Variants in EXOC6 observed in about 807,000 individuals in gnomAD.
EXOC6 encodes the protein SEC15-like 1.
Under a neutral mutation model 112.5 loss-of-function variants are expected in EXOC6, and 60 were observed. The ratio of observed to expected loss-of-function variants is 0.53; its 90% CI spans 0.43 to 0.66. The LOEUF (loss-of-function observed/expected upper bound fraction) is 0.66. Ranked by LOEUF, EXOC6 falls within the 30% of genes least tolerant of loss-of-function variation. The pLI, the probability that EXOC6 is intolerant of heterozygous loss-of-function variation, is 0.00. For missense variants in EXOC6, 855 were observed against 957.1 expected (o/e 0.89, Z 1.41); for synonymous variants, 295 against 308.0 (o/e 0.96, Z 0.44).
At chr10:92,892,971 A>T (rs1225237842) in intron 1 of EXOC6, among the ~76,000 whole-genome samples, 1 of 152,222 alleles carries the variant, frequency 6.6e-6, no homozygotes, top group South Asian at 2.1e-4. Flanking sequence ...AAGCATTTAG[A>T]ACATGAGCGT....
chr10:92,857,944 A>T (rs1044574947), intron 1 of EXOC6, among the ~76,000 whole-genome samples: 1 of 149,192 alleles, frequency 6.7e-6, no homozygotes, highest in African/African-American at 2.5e-5. Context: ...CTGTTTTTTT[A>T]AAATCTGGGC....
chr10:92,999,893 G>A (rs546323277), intron 19 of EXOC6, among the ~76,000 whole-genome samples: 11 of 151,926 alleles, frequency 7.2e-5, no homozygotes, highest in Admixed American at 3.3e-4. Flanking sequence ...TAATAGAGAC[G>A]GGGTTTCAAC....
At chr10:92,865,667 G>A (rs549000489) in intron 1 of EXOC6, among the ~76,000 whole-genome samples, 1 of 151,858 alleles carries the variant, frequency 6.6e-6, no homozygotes, top group South Asian at 2.1e-4. Flanking sequence ...GGCTGGTCTC[G>A]AACTTCTGGC....
At chr10:93,012,320 A>G (rs1228235395) in intron 19 of EXOC6, among the ~76,000 whole-genome samples, 1 of 152,214 alleles carries the variant, frequency 6.6e-6, no homozygotes, top group Non-Finnish European at 1.5e-5. Context: ...GAAGGCAGAA[A>G]AATTAGAAAA....
rs371519274 is a variant in EXOC6 at position 92,942,758 on chromosome 10, C to T, written c.1310+1934C>T. Among the ~76,000 whole-genome samples, 7 of 151,922 alleles carry T rather than the reference C, an allele frequency of 4.6e-5. No individual in the cohort carries two copies. The East Asian group carries it at 5.8e-4, about 13-fold the overall frequency. On this transcript the variant is annotated intron_variant, in intron 13 of 21. Coordinates refer to ENST00000260762, the MANE Select transcript of EXOC6 (RefSeq NM_019053.6). ...AGGGTGTTTATGTTTTCATAACTGT[C>T]GATAGATTGTATTGGGCCAGCTATT...
intron 12 of EXOC6, among the ~76,000 whole-genome samples, chr10:92,939,584 A>C (rs999252494): frequency 6.6e-6 from 1 of 152,058 alleles, no homozygotes; most frequent in African/African-American, 2.4e-5. Context: ...ATGACTGGAG[A>C]TGAAACACGT....
chr10:92,838,421 T>G (rs752845704), intron 1 of EXOC6, among the ~76,000 whole-genome samples: 8 of 152,178 alleles, frequency 5.3e-5, no homozygotes, highest in Admixed American at 6.5e-5. Flanking sequence ...TTTGGCCCTC[T>G]TTTTGAAAGA....
intron 1 of EXOC6, among the ~76,000 whole-genome samples, chr10:92,842,069 A>AT (rs550802861): frequency 0.017 from 1,319 of 77,128 alleles, 11 homozygotes; most frequent in Non-Finnish European, 0.025. Flanking sequence ...GCTATGAAGA[A>AT]TAAAAACCAG....
chr10:92,915,828 A>C lies in EXOC6; in HGVS notation c.734A>C (p.Tyr245Ser). ...QNKMKFGKNM[Y>S]INRDRIPEER... ...AAAATGAAATTTGGGAAAAATATGT[A>C]TATAAATCGTGATAGAATTCCAGAG... The change falls in exon 7 of 22, where the codon TAT (tyrosine) becomes TCT (serine). Residue 245 changes from tyrosine (Y) to serine (S), a missense_variant. Coordinates refer to ENST00000260762, the MANE Select transcript of EXOC6 (RefSeq NM_019053.6). The C allele has an allele frequency of 6.5e-7, 1 of 1,542,932 alleles. No individual in the cohort carries two copies. Among genetic ancestry groups the C allele is most frequent in the Middle Eastern group, 1.7e-4 (1 of 5,854 alleles).
upstream of EXOC6, among the ~76,000 whole-genome samples, chr10:92,847,470 G>A (rs897337308): frequency 6.6e-6 from 1 of 152,164 alleles, no homozygotes; most frequent in Non-Finnish European, 1.5e-5. Context: ...CTCACTAAGG[G>A]TGAGTGAGTT....
chr10:93,055,188 T>C (rs866728573), intron 20 of EXOC6, among the ~76,000 whole-genome samples: 5 of 152,322 alleles, frequency 3.3e-5, no homozygotes, highest in Middle Eastern at 6.8e-3. Context: ...TTCCAGTCTT[T>C]TTGGATGGGT....
chr10:92,940,748 C>T lies in EXOC6; in HGVS notation c.1234C>T (p.Arg412Ter), dbSNP rs370844190. 7.5e-6 allele frequency: 12 copies of T among 1,604,930 alleles called. No individual in the cohort carries two copies. Among genetic ancestry groups the T allele is most frequent in the East Asian group, 2.2e-5 (1 of 44,642 alleles). ...TTAGGGTTATGGTTTTCCAGTGAAC[C>T]GACTTTTTGACCTTTTATTTGAAAT... ...TLQGYGFPVN[R>*]LFDLLFEIRD... is the part of the protein sequence containing the mutation. Residue 412 changes from arginine (R) to a stop codon, truncating the protein, a stop_gained, in exon 13 of 22, where the codon CGA (arginine) becomes TGA (stop). Coordinates refer to ENST00000260762, the MANE Select transcript of EXOC6 (RefSeq NM_019053.6). LOFTEE classifies it high-confidence loss of function.
At chr10:92,899,709 C>T in intron 5 of EXOC6, 65 bp downstream of exon 5, 1 of 1,147,738 alleles carries the variant, frequency 8.7e-7, no homozygotes. Flanking sequence ...AGGACAGATA[C>T]ATTTACTATA....
chr10:93,053,619 T>C (rs1034153439), intron 20 of EXOC6, among the ~76,000 whole-genome samples: 2 of 152,236 alleles, frequency 1.3e-5, no homozygotes, highest in African/African-American at 2.4e-5. Flanking sequence ...CAAGCCAACA[T>C]TGGCCTTTTT....
chr10:92,985,846 A>C (rs1454838119), intron 18 of EXOC6, among the ~76,000 whole-genome samples: 2 of 152,192 alleles, frequency 1.3e-5, no homozygotes, highest in African/African-American at 4.8e-5. Context: ...CATGGCTTTA[A>C]TAACCCTTTA....
intron 12 of EXOC6, 147 bp from the exon 13 acceptor site, chr10:92,940,580 C>A: frequency 6.7e-6 from 4 of 598,294 alleles, no homozygotes; most frequent in South Asian, 4.4e-5. Flanking sequence ...AGTAGAAAGT[C>A]AAAATGTATC....
chr10:93,053,164 G>T (rs1244971976), intron 20 of EXOC6, among the ~76,000 whole-genome samples: 2 of 152,180 alleles, frequency 1.3e-5, no homozygotes, highest in South Asian at 4.1e-4. Context: ...CAACACCCCA[G>T]TTTCCCCTTT....
chr10:93,000,038 G>T (rs190473956), intron 19 of EXOC6, among the ~76,000 whole-genome samples: 1 of 152,088 alleles, frequency 6.6e-6, no homozygotes, highest in Non-Finnish European at 1.5e-5. Flanking sequence ...TTTATCATAG[G>T]TATATATGTA....
intron 8 of EXOC6, among the ~76,000 whole-genome samples, chr10:92,922,993 A>C (rs1262060725): frequency 6.6e-6 from 1 of 152,140 alleles, no homozygotes; most frequent in East Asian, 1.9e-4. Flanking sequence ...CTGTCTTCAG[A>C]ATAGTTCTTC....
Sources: allele counts gnomAD v4.1 joint callset (sites outside exome capture counted in the v4.1 genomes callset), GRCh38; gene constraint gnomAD v4.1.1; transcripts MANE v1.5; gene names NCBI Gene and HGNC (gene_info 2026-07-23, HGNC 2026-07-21).